The following TENM4 variants were observed in gnomAD, a reference collection of about 807,000 sequenced individuals.
The protein encoded by TENM4 is teneurin transmembrane protein 4, also known as teneurin-4.
A neutral mutation model predicts 243.3 loss-of-function variants in TENM4; 82 were observed. The observed-to-expected ratio is 0.34, with a 90% CI of 0.28 to 0.40. The LOEUF (loss-of-function observed/expected upper bound fraction) is 0.40, where lower values mean the gene tolerates loss of function less well. TENM4 is among the 10% of genes least tolerant of loss of function. The pLI is 1.00. For synonymous variants in TENM4, 1,412 were observed against 1,456.3 expected (o/e 0.97, Z 0.69); for missense variants, 3,138 against 3,673.3 (o/e 0.85, Z 3.77).
chr11:79,011,155 C>T (rs372739892), intron 6 of TENM4, among the ~76,000 whole-genome samples: 3 of 152,212 alleles, frequency 2.0e-5, no homozygotes, highest in South Asian at 4.1e-4. Context: ...AAACAAAAAA[C>T]CTTCCGTGAA....
intron 3 of TENM4, among the ~76,000 whole-genome samples, chr11:79,151,255 C>A (rs947480517): frequency 6.6e-6 from 1 of 152,210 alleles, no homozygotes; most frequent in Non-Finnish European, 1.5e-5. Flanking sequence ...GCGAGCCAAA[C>A]CAGTTTCACT....
At chr11:79,303,865 G>C (rs955494225) in intron 1 of TENM4, among the ~76,000 whole-genome samples, 4 of 152,156 alleles carry the variant, frequency 2.6e-5, no homozygotes, top group Admixed American at 2.0e-4. Context: ...TGGGGTTTGG[G>C]CTGGTAGCGT....
intron 6 of TENM4, among the ~76,000 whole-genome samples, chr11:79,052,906 A>G (rs973313493): frequency 2.0e-5 from 3 of 152,178 alleles, no homozygotes; most frequent in African/African-American, 4.8e-5. Flanking sequence ...GAGACCAGAT[A>G]TGTCTCCTTG....
intron 2 of TENM4, among the ~76,000 whole-genome samples, chr11:79,272,456 C>T (rs1337693511): frequency 6.6e-6 from 1 of 152,096 alleles, no homozygotes; most frequent in Non-Finnish European, 1.5e-5. Context: ...AGAAAAAGCA[C>T]TCATGGGACA....
chr11:78,830,051 G>T (rs1046731734), intron 12 of TENM4, among the ~76,000 whole-genome samples: 3 of 152,186 alleles, frequency 2.0e-5, no homozygotes, highest in African/African-American at 7.2e-5. Flanking sequence ...AACACACAGG[G>T]ATGCACCCAC....
rs373227857 is a variant in TENM4 at position 79,428,949 on chromosome 11, T to C, written c.-321+11560A>G. ...CCTGGGCAGCTTTACAGAGTTCTGA[T>C]GACTAGTTCCCACCTGGAACAGTTG... On this transcript the variant is annotated intron_variant, in intron 1 of 33. Transcript: ENST00000278550. 3.9e-5 allele frequency among the ~76,000 whole-genome samples: 6 copies of C among 152,320 alleles called. No individual in the cohort carries two copies. The East Asian group carries it at 1.2e-3, about 29-fold the overall frequency.
At chr11:78,685,239 C>A (rs1274260013) in intron 29 of TENM4, among the ~76,000 whole-genome samples, 1 of 152,152 alleles carries the variant, frequency 6.6e-6, no homozygotes. Context: ...CTGTAGAGGC[C>A]CATCTCAGAT....
chr11:79,069,876 G>A lies in TENM4; in HGVS notation c.69C>T (p.Thr23=). ...CCTCCTCGCTGTCCGCGGACGAGCT[G>A]GTGTAGCGGCGCTCGGCGTCGCGGC... ...TRRRDAERRY[T]SSSADSEEGK... is the part of the protein sequence containing the mutation. Residue 23 remains threonine, a synonymous_variant, in exon 5 of 34, where the codon ACC becomes ACT. Transcript: ENST00000278550. The A allele has an allele frequency of 2.6e-6, 4 of 1,549,754 alleles. No homozygotes were observed. Among genetic ancestry groups the A allele is most frequent in the Middle Eastern group, 1.7e-4 (1 of 5,878 alleles).
chr11:79,368,457 A>C (rs2135504587), intron 1 of TENM4, among the ~76,000 whole-genome samples: 1 of 152,316 alleles, frequency 6.6e-6, no homozygotes, highest in African/African-American at 2.4e-5. Flanking sequence ...CATTCCATAC[A>C]TGCTCACCTG....
chr11:78,814,016 C>T (rs1270321596), intron 13 of TENM4, among the ~76,000 whole-genome samples: 1 of 152,134 alleles, frequency 6.6e-6, no homozygotes, highest in Non-Finnish European at 1.5e-5. Context: ...CTCCACCTGC[C>T]CCAGCAACAG....
intron 3 of TENM4, among the ~76,000 whole-genome samples, chr11:79,156,583 T>A (rs758564559): frequency 2.0e-5 from 3 of 152,130 alleles, no homozygotes; most frequent in Non-Finnish European, 4.4e-5. Flanking sequence ...GGTTACCTCC[T>A]CCTGAAAGCC....
At chr11:79,317,391 A>AG (rs200166687) in intron 1 of TENM4, among the ~76,000 whole-genome samples, 2,214 of 152,184 alleles carry the variant, frequency 0.015, 57 homozygotes, top group African/African-American at 0.05. Context: ...TTTTCTGGGA[A>AG]GGGGGGGTCA....
intron 1 of TENM4, among the ~76,000 whole-genome samples, chr11:79,408,349 C>T (rs1426909385): frequency 6.6e-6 from 1 of 152,194 alleles, no homozygotes; most frequent in East Asian, 1.9e-4. Flanking sequence ...GGTCCGGAGA[C>T]CACACTTAGA....
At chr11:79,108,688 T>C (rs1861432369) in intron 4 of TENM4, among the ~76,000 whole-genome samples, 1 of 152,192 alleles carries the variant, frequency 6.6e-6, no homozygotes, top group Non-Finnish European at 1.5e-5. Flanking sequence ...ATTCAGGTAG[T>C]ATTAACATTT....
chr11:79,366,931 C>A (rs540989316), intron 1 of TENM4, among the ~76,000 whole-genome samples: 2 of 152,280 alleles, frequency 1.3e-5, no homozygotes, highest in African/African-American at 4.8e-5. Flanking sequence ...GCCTAGTCAC[C>A]CATTCACAGC....
chr11:79,015,506 G>GTGTGTA (rs1202405650), intron 6 of TENM4, among the ~76,000 whole-genome samples: 1 of 151,608 alleles, frequency 6.6e-6, no homozygotes, highest in Non-Finnish European at 1.5e-5. Flanking sequence ...GTGTGTGTGT[G>GTGTGTA]TGTATGTATT....
At chr11:79,196,684 C>A (rs1397617468) in intron 3 of TENM4, among the ~76,000 whole-genome samples, 1 of 152,128 alleles carries the variant, frequency 6.6e-6, no homozygotes, top group Non-Finnish European at 1.5e-5. Flanking sequence ...GGGGTGCATT[C>A]TCTTCTTAAC....
At chr11:79,332,733 C>T (rs181628378) in intron 1 of TENM4, among the ~76,000 whole-genome samples, 1 of 152,296 alleles carries the variant, frequency 6.6e-6, no homozygotes, top group East Asian at 1.9e-4. Flanking sequence ...ATGATCATTA[C>T]AAATTACTGA....
At chr11:79,392,735 T>C (rs1440415326) in intron 1 of TENM4, among the ~76,000 whole-genome samples, 3 of 152,220 alleles carry the variant, frequency 2.0e-5, no homozygotes, top group South Asian at 2.1e-4. Flanking sequence ...CTGAATGTCA[T>C]CTTCCAGACT....
Sources: gnomAD v4.1 joint callset for allele counts (sites outside exome capture counted in the v4.1 genomes callset) on GRCh38, gnomAD v4.1.1 for gene constraint, MANE v1.5 for transcripts, NCBI Gene and HGNC (gene_info 2026-07-23, HGNC 2026-07-21) for gene names.